Variants in CYP7B1 observed in about 807,000 individuals in gnomAD.
CYP7B1 encodes the protein cytochrome P450 family 7 subfamily B member 1.
In CYP7B1, 29 loss-of-function variants were observed where a neutral mutation model predicts 42.7. That is an observed-to-expected ratio of 0.68 (90% CI 0.51 to 0.93). The LOEUF is 0.93. Among genes scored for constraint, CYP7B1 ranks in the 40% least tolerant of loss-of-function variants. CYP7B1 has a pLI of 0.00. For synonymous variants in CYP7B1, 235 were observed against 218.2 expected, an observed-to-expected ratio of 1.08 and a Z score of -0.68; for missense variants, 655 against 600.5, an observed-to-expected ratio of 1.09 and a Z score of -0.95.
intron 1 of CYP7B1, among the ~76,000 whole-genome samples, chr8:64,716,747 C>A (rs1308459173): frequency 6.6e-6 from 1 of 152,124 alleles, no homozygotes; most frequent in African/African-American, 2.4e-5. Flanking sequence ...TACTCCAATT[C>A]TTTAAAATTT....
intron 1 of CYP7B1, among the ~76,000 whole-genome samples, chr8:64,632,631 A>C (rs1423795825): frequency 6.6e-6 from 1 of 152,124 alleles, no homozygotes; most frequent in Non-Finnish European, 1.5e-5. Flanking sequence ...AATGTAAAAA[A>C]AAATCCAGCA....
chr8:64,793,593 T>A (rs1397828145), intron 1 of CYP7B1, among the ~76,000 whole-genome samples: 2 of 152,200 alleles, frequency 1.3e-5, no homozygotes, highest in East Asian at 3.8e-4. Flanking sequence ...TTGCTGTAGA[T>A]GAACTGCATT....
intron 1 of CYP7B1, among the ~76,000 whole-genome samples, chr8:64,659,875 G>C (rs1437233447): frequency 6.6e-6 from 1 of 152,158 alleles, no homozygotes; most frequent in African/African-American, 2.4e-5. Context: ...AGATGTACAG[G>C]CTTGGTGGTT....
At chr8:64,739,490 C>A (rs1187739587) in intron 1 of CYP7B1, among the ~76,000 whole-genome samples, 2 of 152,144 alleles carry the variant, frequency 1.3e-5, no homozygotes, top group Non-Finnish European at 2.9e-5. Flanking sequence ...TAACACCTAG[C>A]AAGACTTCAA....
intron 1 of CYP7B1, among the ~76,000 whole-genome samples, chr8:64,670,422 T>G (rs2129631671): frequency 1.3e-5 from 2 of 152,314 alleles, no homozygotes; most frequent in Admixed American, 1.3e-4. Flanking sequence ...AAAGATAGGC[T>G]TCTGCCATTT....
At chr8:64,691,485 G>T (rs983407261) in intron 1 of CYP7B1, among the ~76,000 whole-genome samples, 2 of 149,260 alleles carry the variant, frequency 1.3e-5, no homozygotes, top group South Asian at 2.2e-4. Flanking sequence ...TGGCAACTGG[G>T]GGGGGGGGGT....
At chr8:64,756,427 C>T (rs1563416832) in intron 1 of CYP7B1, among the ~76,000 whole-genome samples, 1 of 152,150 alleles carries the variant, frequency 6.6e-6, no homozygotes, top group Non-Finnish European at 1.5e-5. Context: ...AAATAAACAT[C>T]CAAACATTTT....
At chr8:64,755,031 A>G (rs762924077) in intron 1 of CYP7B1, among the ~76,000 whole-genome samples, 36 of 152,290 alleles carry the variant, frequency 2.4e-4, no homozygotes, top group Admixed American at 1.6e-3. Context: ...ACTTTGGGGA[A>G]TGGAGAGTCA....
intron 1 of CYP7B1, among the ~76,000 whole-genome samples, chr8:64,638,773 A>C (rs1805811290): frequency 6.6e-6 from 1 of 152,084 alleles, no homozygotes. Flanking sequence ...TGGGAGGATT[A>C]GGAATAACTG....
intron 1 of CYP7B1, among the ~76,000 whole-genome samples, chr8:64,736,551 A>G (rs1472278581): frequency 6.6e-6 from 1 of 152,136 alleles, no homozygotes; most frequent in Non-Finnish European, 1.5e-5. Flanking sequence ...CCTGGATTCA[A>G]GCAATTCTCC....
In CYP7B1 at chr8:64,674,382, G is replaced by T. The variant is rs184690428; in HGVS notation, c.123-49843C>A. On this transcript the variant is annotated intron_variant, in intron 1 of 5. Transcript: ENST00000310193. ...GAGACCACACTTTACTGTAGAGGGG[G>T]ATTTCCTTGTCTGTCAATGCCACCA... 3.9e-5 allele frequency among the ~76,000 whole-genome samples: 6 copies of T among 152,164 alleles called. No homozygotes were observed. In the East Asian group the frequency reaches 1.2e-3, roughly 29 times the overall value.
chr8:64,700,109 G>A (rs976462237), intron 1 of CYP7B1, among the ~76,000 whole-genome samples: 14 of 152,056 alleles, frequency 9.2e-5, no homozygotes, highest in Non-Finnish European at 1.5e-5. Flanking sequence ...CAGTGGGGAC[G>A]ACGCATAGAA....
intron 1 of CYP7B1, among the ~76,000 whole-genome samples, chr8:64,759,301 T>G (rs888957005): frequency 2.5e-4 from 38 of 151,840 alleles, no homozygotes; most frequent in African/African-American, 8.9e-4. Flanking sequence ...ATTTCTGAGT[T>G]AATAAATCCT....
intron 1 of CYP7B1, among the ~76,000 whole-genome samples, chr8:64,784,702 A>G (rs938436840): frequency 6.6e-6 from 1 of 152,212 alleles, no homozygotes; most frequent in African/African-American, 2.4e-5. Flanking sequence ...TTTCATCAGA[A>G]TAATGTGCAA....
chr8:64,643,166 T>A (rs1335440168), intron 1 of CYP7B1, among the ~76,000 whole-genome samples: 1 of 103,784 alleles, frequency 9.6e-6, no homozygotes, highest in Admixed American at 1.1e-4. Context: ...TATATACACA[T>A]ATATACATAT....
chr8:64,764,229 G>GCTC (rs1554539986), intron 1 of CYP7B1, among the ~76,000 whole-genome samples: 1 of 125,150 alleles, frequency 8.0e-6, no homozygotes, highest in African/African-American at 3.1e-5. Flanking sequence ...CTTCCACGCT[G>GCTC]CCCCCCCCAC....
intron 1 of CYP7B1, among the ~76,000 whole-genome samples, chr8:64,789,407 C>T (rs1345406365): frequency 6.6e-6 from 1 of 152,182 alleles, no homozygotes; most frequent in African/African-American, 2.4e-5. Flanking sequence ...GCCACTCATC[C>T]ATATCTAGGA....
chr8:64,711,736 AAAC>A (rs1807084910), intron 1 of CYP7B1, among the ~76,000 whole-genome samples: 2 of 152,222 alleles, frequency 1.3e-5, no homozygotes, highest in Admixed American at 6.5e-5. Flanking sequence ...TCCTTCTATA[AAAC>A]AATATAGAAA....
At chr8:64,630,884 GA>G (rs1805685432) in intron 1 of CYP7B1, among the ~76,000 whole-genome samples, 1 of 152,186 alleles carries the variant, frequency 6.6e-6, no homozygotes, top group Non-Finnish European at 1.5e-5. Context: ...ACGTTAAAGA[GA>G]AAGAGAAAGA....
Sources: gnomAD v4.1 joint callset for allele counts (sites outside exome capture counted in the v4.1 genomes callset) on GRCh38, gnomAD v4.1.1 for gene constraint, MANE v1.5 for transcripts, NCBI Gene and HGNC (gene_info 2026-07-23, HGNC 2026-07-21) for gene names.